Variants in COL6A6 observed in about 807,000 individuals in gnomAD.
COL6A6 encodes the protein collagen type VI alpha 6 chain, also known as collagen alpha-6(VI) chain.
In COL6A6, 183 loss-of-function variants were observed where a neutral mutation model predicts 208.6. The ratio of observed to expected loss-of-function variants is 0.88; its 90% confidence interval spans 0.78 to 0.99. The LOEUF is 0.99. Ranked by LOEUF, COL6A6 falls within the 50% of genes least tolerant of loss-of-function variation. The probability of loss-of-function intolerance (pLI) is 0.00; values close to 1 mark genes in which losing one functional copy is unlikely to be tolerated. For missense variants in COL6A6, 2,816 were observed against 2,815.2 expected (o/e 1.00, Z -0.01); for synonymous variants, 973 against 1,011.8 (o/e 0.96, Z 0.73).
chr3:130,581,540 T>C (rs745574543), intron 8 of COL6A6, 21 bp from the exon 9 acceptor site: 61 of 1,545,940 alleles, frequency 3.9e-5, no homozygotes, highest in African/African-American at 5.5e-5. Flanking sequence ...TATTAAGACA[T>C]GCTTTTCCTT....
chr3:130,662,475 CCT>C (rs992900698), intron 35 of COL6A6, among the ~76,000 whole-genome samples, 167 bp downstream of exon 35: 1 of 152,062 alleles, frequency 6.6e-6, no homozygotes, highest in Non-Finnish European at 1.5e-5. Flanking sequence ...AGGGAGGAAA[CCT>C]CTGATTCCTA....
intron 1 of COL6A6, among the ~76,000 whole-genome samples, chr3:130,555,444 TC>T (rs751688077): frequency 6.6e-6 from 1 of 152,102 alleles, no homozygotes; most frequent in Non-Finnish European, 1.5e-5. Context: ...TGTGTCAGTC[TC>T]CCCAGTGTCC....
At chr3:130,540,777 A>G (rs571016352) in intron 1 of COL6A6, among the ~76,000 whole-genome samples, 1 of 152,158 alleles carries the variant, frequency 6.6e-6, no homozygotes, top group East Asian at 1.9e-4. Flanking sequence ...CTGTTCCTGC[A>G]TTAGTTTGCT....
In COL6A6 at chr3:130,563,346, C is replaced by G. The variant is rs374596678; in HGVS notation, c.343C>G (p.His115Asp). ...GATAGGAAAGGCTCTTCAGGAGGCTCACAGGACTTATTTCTCTGCACCCGC... is the reference window on the plus strand; with the variant it reads ...GATAGGAAAGGCTCTTCAGGAGGCTGACAGGACTTATTTCTCTGCACCCGC... ...LQIGKALQEAHRTYFSAPANG... is the reference protein window; with the variant it reads ...LQIGKALQEADRTYFSAPANG... Residue 115 changes from histidine to aspartate, a missense_variant, in exon 3 of 37, where the codon CAC (histidine) becomes GAC (aspartate). Coordinates refer to ENST00000358511, the MANE Select transcript of COL6A6 (RefSeq NM_001102608.3). 3.4e-5 allele frequency: 55 copies of G among 1,613,830 alleles called. No homozygotes were observed. Among genetic ancestry groups the G allele is most frequent in the Non-Finnish European group, 4.0e-5 (47 of 1,179,880 alleles).
intron 1 of COL6A6, among the ~76,000 whole-genome samples, chr3:130,533,233 T>C (rs1289712652): frequency 7.0e-6 from 1 of 141,902 alleles, no homozygotes; most frequent in Non-Finnish European, 1.5e-5. Flanking sequence ...AATTCTTTCA[T>C]AGCCTTACAT....
At position 130,522,772 on chromosome 3, in the gene COL6A6, C is replaced by T. The variant is rs1018339873; in HGVS notation, c.-32+5375C>T. 4.6e-5 allele frequency among the ~76,000 whole-genome samples: 7 copies of T among 152,124 alleles called. 1 individual carries two copies. The highest frequency in any genetic ancestry group is 1.7e-4 in the African/African-American group (7 of 41,424). The stretch of plus-strand genomic sequence containing the variant: ...GGATCTGTCCTTCTCACTTCATCAA[C>T]AGTCCCATCTAATCAGTCTCCAAGT... On this transcript the variant is annotated intron_variant, in intron 1 of 36. Transcript: ENST00000358511.
rs1332139901 is a variant in COL6A6 at position 130,598,355 on chromosome 3, C to A, written c.4534-10C>A. The A allele has an allele frequency of 5.2e-6, 8 of 1,525,794 alleles. No individual in the cohort carries two copies. In the East Asian group the frequency reaches 2.0e-4, roughly 37 times the overall value. The allele number at this position is 1,525,794 out of a possible 1,614,324, so 94.5% of individuals were successfully genotyped here. A position where few individuals can be genotyped will look rare whatever the true frequency, so the allele number is the denominator to read the frequency against. On this transcript the variant is annotated splice_polypyrimidine_tract_variant and intron_variant, in intron 18 of 36. Transcript: ENST00000358511. ...ATATATTAATTTTTCTCTTTATTTT[C>A]TATTTTTAGGGAGCTCCTGGAGTTG...
At chr3:130,673,221 A>AAAAAAAAAACC (rs1553724903) in intron 36 of COL6A6, among the ~76,000 whole-genome samples, 2 of 117,068 alleles carry the variant, frequency 1.7e-5, no homozygotes, top group African/African-American at 6.4e-5. Context: ...AAAAAACAAA[A>AAAAAAAAAACC]AAAAAAAACA....
In COL6A6 at chr3:130,649,633, C is replaced by T. The variant is rs558929701; in HGVS notation, c.5733+71C>T. 399 of 1,419,246 alleles carry T rather than the reference C, an allele frequency of 2.8e-4. 1 individual carries two copies. The African/African-American group carries it at 3.8e-3, about 14-fold the overall frequency. 87.9% of individuals were successfully genotyped at this position (1,419,246 alleles called of 1,614,324 possible). On this transcript the variant is annotated intron_variant, in intron 33 of 36. Transcript: ENST00000358511. The stretch of plus-strand genomic sequence containing the variant: ...CTGTATTCAGAAGCCCCTATACTAC[C>T]TTGCCTTCAAAATCAGGGCCATTTG...
chr3:130,672,715 T>C (rs2066249842), intron 36 of COL6A6, among the ~76,000 whole-genome samples: 1 of 151,536 alleles, frequency 6.6e-6, no homozygotes, highest in African/African-American at 2.4e-5. Flanking sequence ...AAATGATTTT[T>C]ATTAAGTGAT....
At chr3:130,552,660 A>G (rs115064143) in intron 1 of COL6A6, among the ~76,000 whole-genome samples, 3,126 of 152,216 alleles carry the variant, frequency 0.021, 117 homozygotes, top group African/African-American at 0.072. Flanking sequence ...ATTAGTATTC[A>G]TATGTGCGAA....
intron 18 of COL6A6, among the ~76,000 whole-genome samples, chr3:130,595,819 T>TCC (rs1471337926): frequency 3.3e-5 from 5 of 152,206 alleles, no homozygotes; most frequent in Non-Finnish European, 5.9e-5. Context: ...GTCTATATTT[T>TCC]AAGAGTAGAA....
intron 33 of COL6A6, among the ~76,000 whole-genome samples, chr3:130,651,252 C>T (rs1366049426): frequency 6.6e-6 from 1 of 151,728 alleles, no homozygotes; most frequent in East Asian, 1.9e-4. Flanking sequence ...ATGGTGAAAC[C>T]CCGTCTCTCC....
chr3:130,675,194 T>C lies in COL6A6; in HGVS notation c.6597-8T>C. On this transcript the variant is annotated splice_region_variant and splice_polypyrimidine_tract_variant and intron_variant, in intron 36 of 36. Transcript: ENST00000358511. ...TTATCTTCTATGATGTTCTCTTTTGTTGTATAGCTTTGTTCCTGGACCACT... is the reference window on the plus strand; with the variant it reads ...TTATCTTCTATGATGTTCTCTTTTGCTGTATAGCTTTGTTCCTGGACCACT... 1 of 1,524,862 alleles carries C rather than the reference T, an allele frequency of 6.6e-7. No individual in the cohort carries two copies. The highest frequency in any genetic ancestry group is 8.8e-7 in the Non-Finnish European group (1 of 1,133,488). The allele number at this position is 1,524,862 out of a possible 1,614,324, so 94.5% of individuals were successfully genotyped here.
intron 36 of COL6A6, among the ~76,000 whole-genome samples, chr3:130,671,184 G>T: frequency 6.6e-6 from 1 of 152,206 alleles, no homozygotes; most frequent in Admixed American, 6.5e-5. Flanking sequence ...AGACTTAAGG[G>T]CCTGAATTTG....
chr3:130,561,667 A>C, intron 2 of COL6A6, among the ~76,000 whole-genome samples: 1 of 94,576 alleles, frequency 1.1e-5, no homozygotes, highest in Non-Finnish European at 1.8e-5. Flanking sequence ...TTTTTTTGAG[A>C]CGGAGTCTCG....
intron 2 of COL6A6, among the ~76,000 whole-genome samples, chr3:130,561,688 C>T (rs1196778322): frequency 1.4e-5 from 2 of 142,440 alleles, no homozygotes; most frequent in Non-Finnish European, 3.0e-5. Flanking sequence ...CTCTGTCGCC[C>T]AGGCCAGACT....
At chr3:130,591,507 C>T (rs974662842) in intron 13 of COL6A6, among the ~76,000 whole-genome samples, 2 of 152,212 alleles carry the variant, frequency 1.3e-5, no homozygotes, top group Admixed American at 6.5e-5. Flanking sequence ...TATATATAAA[C>T]ATCTTACCAT....
intron 28 of COL6A6, 30 bp from the exon 29 acceptor site, chr3:130,641,622 A>G: frequency 7.8e-7 from 1 of 1,282,998 alleles, no homozygotes; most frequent in Non-Finnish European, 1.1e-6. Flanking sequence ...ATATGTATAA[A>G]TACAATTTTA....
Sources: gnomAD v4.1 joint callset for allele counts (sites outside exome capture counted in the v4.1 genomes callset) on GRCh38, gnomAD v4.1.1 for gene constraint, MANE v1.5 for transcripts, NCBI Gene and HGNC (gene_info 2026-07-23, HGNC 2026-07-21) for gene names.